Variants in WWOX observed in about 807,000 individuals in gnomAD.
WWOX encodes the protein WW domain-containing oxidoreductase.
In WWOX, 69 loss-of-function variants were observed where a neutral mutation model predicts 46.2. The ratio of observed to expected loss-of-function variants is 1.49; its 90% CI spans 1.23 to 1.82. The LOEUF is 1.82. WWOX is among the 40% of genes most tolerant of loss of function. The probability of loss-of-function intolerance (pLI) is 0.00; values close to 1 mark genes in which losing one functional copy is unlikely to be tolerated. For missense variants in WWOX, 919 were observed against 542.6 expected, an observed-to-expected ratio of 1.69 and a Z score of -6.89; for synonymous variants, 359 against 202.6, an observed-to-expected ratio of 1.77 and a Z score of -6.56.
intron 8 of WWOX, among the ~76,000 whole-genome samples, chr16:78,832,994 T>C (rs905503267): frequency 3.9e-5 from 6 of 152,028 alleles, no homozygotes; most frequent in Non-Finnish European, 7.4e-5. Context: ...TGGTGGGATA[T>C]AGAAAAGCAA....
intron 8 of WWOX, among the ~76,000 whole-genome samples, chr16:78,594,570 A>T (rs1014461906): frequency 6.6e-6 from 1 of 151,750 alleles, no homozygotes; most frequent in Non-Finnish European, 1.5e-5. Flanking sequence ...CATAGTTTTC[A>T]GGTGGCATAA....
Position 78,280,221 on chromosome 16 carries a change from C to T in WWOX, c.517-106639C>T, listed in dbSNP as rs138397127. On this transcript the variant is annotated intron_variant, in intron 5 of 8. Coordinates refer to ENST00000566780, the MANE Select transcript of WWOX (RefSeq NM_016373.4). ...CTCCCCCACTTTTAACCTACTTTAT[C>T]GTCCATTGCTGGGCCTAGAATTGCA... is the stretch of plus-strand genomic sequence containing the variant. Among the ~76,000 whole-genome samples, 522 of 152,298 alleles carry T rather than the reference C, an allele frequency of 3.4e-3. 1 individual carries two copies. The highest frequency in any genetic ancestry group is 0.012 in the African/African-American group (490 of 41,566).
At chr16:78,457,493 C>CT (rs1269332553) in intron 8 of WWOX, among the ~76,000 whole-genome samples, 8 of 152,110 alleles carry the variant, frequency 5.3e-5, no homozygotes, top group Non-Finnish European at 1.2e-4. Flanking sequence ...ACTGTTGATT[C>CT]TTTTTTTCAT....
At chr16:79,174,937 A>G (rs184928225) in intron 8 of WWOX, among the ~76,000 whole-genome samples, 1 of 152,290 alleles carries the variant, frequency 6.6e-6, no homozygotes, top group Admixed American at 6.5e-5. Context: ...TATTAGCAGT[A>G]ACCCTGAGGA....
At chr16:78,471,687 C>T (rs1405129627) in intron 8 of WWOX, among the ~76,000 whole-genome samples, 1 of 152,086 alleles carries the variant, frequency 6.6e-6, no homozygotes, top group African/African-American at 2.4e-5. Context: ...TTTATTTGGG[C>T]CACATTGGTT....
At chr16:79,058,105 T>C (rs1270334152) in intron 8 of WWOX, among the ~76,000 whole-genome samples, 1 of 94,840 alleles carries the variant, frequency 1.1e-5, no homozygotes, top group East Asian at 2.2e-4. Flanking sequence ...TATATCTTAC[T>C]TAAAAAAAAA....
intron 5 of WWOX, among the ~76,000 whole-genome samples, chr16:78,321,301 T>C (rs1257824678): frequency 4.5e-5 from 4 of 88,844 alleles, no homozygotes; most frequent in Non-Finnish European, 5.0e-5. Flanking sequence ...CGTATATATA[T>C]ACGTATATAT....
At chr16:78,619,891 G>T (rs926847139) in intron 8 of WWOX, among the ~76,000 whole-genome samples, 2 of 152,036 alleles carry the variant, frequency 1.3e-5, no homozygotes, top group African/African-American at 2.4e-5. Flanking sequence ...GACAGAGTGA[G>T]AACCTGTCTC....
intron 5 of WWOX, among the ~76,000 whole-genome samples, chr16:78,274,609 A>C (rs1035344161): frequency 6.6e-6 from 1 of 152,130 alleles, no homozygotes; most frequent in African/African-American, 2.4e-5. Context: ...AATGTTGCTC[A>C]TCAGGGTAAG....
chr16:78,198,207 A>G (rs540579919), intron 5 of WWOX, among the ~76,000 whole-genome samples: 15 of 151,992 alleles, frequency 9.9e-5, no homozygotes, highest in African/African-American at 3.1e-4. Context: ...AGCTACTTCC[A>G]GACTGATTCC....
At chr16:78,188,802 G>A (rs919847919) in intron 5 of WWOX, among the ~76,000 whole-genome samples, 1 of 152,104 alleles carries the variant, frequency 6.6e-6, no homozygotes, top group South Asian at 2.1e-4. Context: ...AATCGTATCA[G>A]TGGTTTTCCC....
intron 5 of WWOX, among the ~76,000 whole-genome samples, chr16:78,166,025 G>A (rs941982623): frequency 1.3e-5 from 2 of 151,566 alleles, no homozygotes; most frequent in Non-Finnish European, 1.5e-5. Context: ...CATCTTATTT[G>A]AATCTACACG....
intron 1 of WWOX, chr16:78,100,303 A>G (rs1048992063): frequency 1.2e-5 from 12 of 1,014,058 alleles, no homozygotes; most frequent in South Asian, 3.2e-5. Flanking sequence ...TCCAGGCTGG[A>G]GTGCAGGGGT....
rs1348007914 is a variant in WWOX, at chr16:79,207,524, C to T, written c.1057-4084C>T. ...CATAAGTGGATTAATTCAGCATTTGCTGTGCAATGTCCCTGTAAGAAAGCA... is the reference window on the plus strand; with the variant it reads ...CATAAGTGGATTAATTCAGCATTTGTTGTGCAATGTCCCTGTAAGAAAGCA... On this transcript the variant is annotated intron_variant, in intron 8 of 8. Coordinates refer to ENST00000566780, the MANE Select transcript of WWOX (RefSeq NM_016373.4). 2.6e-5 allele frequency among the ~76,000 whole-genome samples: 4 copies of T among 152,230 alleles called. No homozygotes were observed. In the East Asian group the frequency reaches 5.8e-4, roughly 22 times the overall value.
chr16:78,741,922 A>T (rs1030001032), intron 8 of WWOX, among the ~76,000 whole-genome samples: 3 of 152,198 alleles, frequency 2.0e-5, no homozygotes, highest in East Asian at 3.9e-4. Flanking sequence ...TAAACAATGG[A>T]TAATTTTTTA....
chr16:78,774,508 G>A (rs1216392361), intron 8 of WWOX, among the ~76,000 whole-genome samples: 2 of 49,228 alleles, frequency 4.1e-5, no homozygotes, highest in African/African-American at 5.9e-5. Context: ...GTGTGTGTGT[G>A]TGTGTGTGTG....
chr16:78,799,238 G>T (rs547208608), intron 8 of WWOX, among the ~76,000 whole-genome samples: 1 of 152,168 alleles, frequency 6.6e-6, no homozygotes, highest in Non-Finnish European at 1.5e-5. Context: ...CTGGAGTTAG[G>T]CTTGTGTCTT....
chr16:79,209,630 A>ATGAC (rs1197035624), intron 8 of WWOX, among the ~76,000 whole-genome samples: 1 of 152,208 alleles, frequency 6.6e-6, no homozygotes, highest in African/African-American at 2.4e-5. Flanking sequence ...ATGAAAATAT[A>ATGAC]TGACAGATAT....
chr16:78,512,424 G>T (rs974237449), intron 8 of WWOX, among the ~76,000 whole-genome samples: 1 of 152,120 alleles, frequency 6.6e-6, no homozygotes, highest in Non-Finnish European at 1.5e-5. Flanking sequence ...GAGTGTTTCT[G>T]ATTTTAAAAA....
Sources: allele counts gnomAD v4.1 joint callset (sites outside exome capture counted in the v4.1 genomes callset), GRCh38; gene constraint gnomAD v4.1.1; transcripts MANE v1.5; gene names NCBI Gene and HGNC (gene_info 2026-07-23, HGNC 2026-07-21).